Variants in CDK15 observed in about 807,000 individuals in gnomAD.
CDK15 encodes cyclin-dependent kinase 15.
Under a neutral mutation model 60.3 loss-of-function variants are expected in CDK15, and 62 were observed. That is an observed-to-expected ratio of 1.03 (90% confidence interval 0.84 to 1.27). The LOEUF (loss-of-function observed/expected upper bound fraction) is 1.27. CDK15 is among the 50% of genes most tolerant of loss of function. CDK15 has a pLI of 0.00. For missense variants in CDK15, 541 were observed against 527.8 expected, an observed-to-expected ratio of 1.03 and a Z score of -0.25; for synonymous variants, 194 against 195.7, an observed-to-expected ratio of 0.99 and a Z score of 0.07.
chr2:201,826,292 C>T (rs1473106447), intron 6 of CDK15, among the ~76,000 whole-genome samples: 1 of 151,926 alleles, frequency 6.6e-6, no homozygotes, highest in Non-Finnish European at 1.5e-5. Flanking sequence ...AACCCCGTCT[C>T]TACTAAAAAT....
At chr2:201,823,297 G>T (rs1696311859) in intron 5 of CDK15, among the ~76,000 whole-genome samples, 1 of 152,126 alleles carries the variant, frequency 6.6e-6, no homozygotes, top group Non-Finnish European at 1.5e-5. Context: ...AACTCATGTT[G>T]TATTTTTGGA....
At chr2:201,816,788 C>A (rs767685979) in intron 4 of CDK15, among the ~76,000 whole-genome samples, 22 of 152,020 alleles carry the variant, frequency 1.4e-4, no homozygotes, top group Non-Finnish European at 3.1e-4. Flanking sequence ...TGGGGGGAGG[C>A]AGCTTTCCAG....
Position 201,806,578 on chromosome 2 carries a change from C to T in CDK15, c.-87C>T. 4 of 1,432,380 alleles carry T rather than the reference C, an allele frequency of 2.8e-6. No individual in the cohort carries two copies. The highest frequency in any genetic ancestry group is 3.7e-6 in the Non-Finnish European group (4 of 1,078,926). 88.7% of individuals were successfully genotyped at this position (1,432,380 alleles called of 1,614,324 possible). On this transcript the variant is annotated 5_prime_UTR_variant, in exon 1 of 14. Coordinates refer to ENST00000652192, the MANE Select transcript of CDK15 (RefSeq NM_001366386.2). ...TCATATGAAAGCTCCACGCTGCTGACCTCTGGCAAAAAGGGAGAGAACAAG... is the reference window on the plus strand; with the variant it reads ...TCATATGAAAGCTCCACGCTGCTGATCTCTGGCAAAAAGGGAGAGAACAAG...
intron 9 of CDK15, among the ~76,000 whole-genome samples, chr2:201,849,907 C>T (rs1363429811): frequency 6.6e-6 from 1 of 152,118 alleles, no homozygotes; most frequent in Non-Finnish European, 1.5e-5. Context: ...TCACTGCAAG[C>T]TCCACCTCCC....
chr2:201,811,284 G>T (rs1412963300), intron 3 of CDK15, among the ~76,000 whole-genome samples: 1 of 151,784 alleles, frequency 6.6e-6, no homozygotes, highest in East Asian at 1.9e-4. Flanking sequence ...CCCAGTAGCT[G>T]GGACTACAGG....
chr2:201,851,325 A>AAT (rs1043457210), intron 9 of CDK15, among the ~76,000 whole-genome samples: 1 of 151,184 alleles, frequency 6.6e-6, no homozygotes, highest in African/African-American at 2.4e-5. Context: ...AAAGAACAGA[A>AAT]ATTTATTTCT....
intron 12 of CDK15, among the ~76,000 whole-genome samples, chr2:201,890,153 C>T (rs1173669717): frequency 6.6e-6 from 1 of 151,994 alleles, no homozygotes; most frequent in Non-Finnish European, 1.5e-5. Flanking sequence ...GCCTATCACT[C>T]TCGAACATCA....
At chr2:201,886,351 C>A (rs113141681) in intron 12 of CDK15, among the ~76,000 whole-genome samples, 7 of 147,096 alleles carry the variant, frequency 4.8e-5, no homozygotes, top group African/African-American at 1.5e-4. Flanking sequence ...TTGAGATGGA[C>A]TTTTGCTCTT....
intron 8 of CDK15, among the ~76,000 whole-genome samples, chr2:201,836,187 T>A (rs80183435): frequency 0.021 from 1,552 of 74,082 alleles, 50 homozygotes; most frequent in African/African-American, 0.055. Flanking sequence ...TTATATATAT[T>A]TTTTTATATA....
rs1358872739 is a variant in CDK15 at position 201,888,576 on chromosome 2, C to T, written c.1199-2209C>T. 9 of 1,461,838 alleles carry T rather than the reference C, an allele frequency of 6.2e-6. No homozygotes were observed. The East Asian group carries it at 1.8e-4, about 29-fold the overall frequency. The allele number at this position is 1,461,838 out of a possible 1,614,324, so 90.6% of individuals were successfully genotyped here. On this transcript the variant is annotated intron_variant, in intron 12 of 13. Coordinates refer to ENST00000652192, the MANE Select transcript of CDK15 (RefSeq NM_001366386.2). ...AGGAGAGCCGCGCTGCAGCTTTTTT[C>T]GTTTTTTATTTCCCTTTCTTTCTTT...
At chr2:201,858,465 A>G (rs904930228) in intron 10 of CDK15, among the ~76,000 whole-genome samples, 1 of 114,122 alleles carries the variant, frequency 8.8e-6, no homozygotes, top group Non-Finnish European at 1.7e-5. Context: ...TGTCTCCCCC[A>G]CTCCCCGTTT....
rs890476438 is a variant in CDK15, at chr2:201,888,391, G to C, written c.1199-2394G>C. On this transcript the variant is annotated intron_variant, in intron 12 of 13. Transcript: ENST00000652192. ...TTTAAATAAACTTGTCCTGCCGACT[G>C]TCTAGATGACTGAATTTCCCTTCTC... is the stretch of plus-strand genomic sequence containing the variant. The C allele has an allele frequency of 3.9e-6, 6 of 1,525,994 alleles. No homozygotes were observed. The Admixed American group carries it at 8.2e-5, about 21-fold the overall frequency. 94.5% of individuals were successfully genotyped at this position (1,525,994 alleles called of 1,614,324 possible).
intron 11 of CDK15, among the ~76,000 whole-genome samples, chr2:201,878,397 G>A (rs994371315): frequency 6.6e-6 from 1 of 151,932 alleles, no homozygotes; most frequent in Non-Finnish European, 1.5e-5. Context: ...TAGGGTCTGT[G>A]TAGGTACCAC....
chr2:201,890,979 G>A, intron 13 of CDK15, 52 bp downstream of exon 13: 1 of 924,556 alleles, frequency 1.1e-6, no homozygotes, highest in Non-Finnish European at 1.7e-6. Context: ...AAAAGCAATT[G>A]GTGCCGGGTG....
intron 10 of CDK15, among the ~76,000 whole-genome samples, chr2:201,865,661 G>A (rs909170843): frequency 2.6e-5 from 4 of 151,914 alleles, no homozygotes; most frequent in Non-Finnish European, 5.9e-5. Context: ...AGGCCGAGGC[G>A]GGTGGATCAC....
chr2:201,858,649 C>T (rs557393459), intron 10 of CDK15, among the ~76,000 whole-genome samples: 1 of 152,108 alleles, frequency 6.6e-6, no homozygotes, highest in South Asian at 2.1e-4. Context: ...GGGGTTCTGA[C>T]GAGCACGGAT....
intron 7 of CDK15, 115 bp downstream of exon 7, chr2:201,834,086 C>T (rs555859730): frequency 8.8e-6 from 11 of 1,248,828 alleles, no homozygotes; most frequent in African/African-American, 1.5e-5. Flanking sequence ...GAACATGATG[C>T]TTTGTGAGGA....
chr2:201,852,717 T>G (rs1270863041), intron 9 of CDK15, among the ~76,000 whole-genome samples: 1 of 152,208 alleles, frequency 6.6e-6, no homozygotes, highest in Non-Finnish European at 1.5e-5. Flanking sequence ...TGGTTTTCAG[T>G]TTCCCAGACA....
At chr2:201,883,179 A>T (rs1298115128) in intron 12 of CDK15, among the ~76,000 whole-genome samples, 1 of 152,192 alleles carries the variant, frequency 6.6e-6, no homozygotes, top group Non-Finnish European at 1.5e-5. Context: ...TCATTTTATT[A>T]TTCTGATTTT....
Sources: gnomAD v4.1 joint callset for allele counts (sites outside exome capture counted in the v4.1 genomes callset) on GRCh38, gnomAD v4.1.1 for gene constraint, MANE v1.5 for transcripts, NCBI Gene and HGNC (gene_info 2026-07-23, HGNC 2026-07-21) for gene names.